The following EDA variants were observed in gnomAD, a reference collection of about 807,000 sequenced individuals.
EDA encodes ectodysplasin-A.
A neutral mutation model predicts 23.6 loss-of-function variants in EDA; 2 were observed. The ratio of observed to expected loss-of-function variants is 0.08; its 90% confidence interval spans 0.03 to 0.27. EDA has a LOEUF of 0.27. EDA is among the 10% of genes least tolerant of loss of function. EDA has a pLI of 1.00. For missense variants in EDA, 229 were observed against 324.2 expected, an observed-to-expected ratio of 0.71 and a Z score of 2.26; for synonymous variants, 131 against 132.0, an observed-to-expected ratio of 0.99 and a Z score of 0.05.
chrX:69,836,712 G>T (rs1344560265), intron 1 of EDA, among the ~76,000 whole-genome samples: 1 of 112,404 alleles, frequency 8.9e-6, no homozygotes, highest in Non-Finnish European at 1.9e-5. Flanking sequence ...GCCATGCCCT[G>T]CTTCAGCTCA....
chrX:69,988,016 CA>C (rs1400106254), intron 2 of EDA, among the ~76,000 whole-genome samples: 2 of 112,158 alleles, frequency 1.8e-5, no homozygotes, highest in South Asian at 7.5e-4. Context: ...AACCCCCCAC[CA>C]TCTCATGTCA....
chrX:69,663,194 G>A (rs1933567941), intron 1 of EDA, among the ~76,000 whole-genome samples: 1 of 112,008 alleles, frequency 8.9e-6, no homozygotes, highest in South Asian at 3.7e-4. Context: ...TAGGGGAAAT[G>A]TCTCCAGGGT....
intron 7 of EDA, 54 bp from the exon 8 acceptor site, chrX:70,035,304 C>T (rs1212250140): frequency 8.5e-7 from 1 of 1,176,555 alleles, no homozygotes; most frequent in African/African-American, 1.8e-5. Context: ...AGGGAGGGCC[C>T]CCCACCCTCT....
intron 1 of EDA, among the ~76,000 whole-genome samples, chrX:69,741,015 A>G (rs1280154927): frequency 1.8e-5 from 2 of 109,619 alleles, no homozygotes; most frequent in African/African-American, 6.6e-5. Context: ...ATATATATAG[A>G]AAATATATAT....
At chrX:69,751,378 G>A (rs746348029) in intron 1 of EDA, among the ~76,000 whole-genome samples, 33 of 112,050 alleles carry the variant, frequency 2.9e-4, no homozygotes, top group African/African-American at 1.0e-3. Flanking sequence ...TGTTCCATTG[G>A]TCTATATCTC....
intron 1 of EDA, among the ~76,000 whole-genome samples, chrX:69,709,925 A>C (rs1046427957): frequency 9.0e-6 from 1 of 110,832 alleles, no homozygotes; most frequent in Non-Finnish European, 1.9e-5. Context: ...GATTGCAAAA[A>C]TTTTCTCCCA....
intron 1 of EDA, among the ~76,000 whole-genome samples, chrX:69,926,321 G>A (rs1169796270): frequency 9.0e-6 from 1 of 111,392 alleles, no homozygotes; most frequent in Non-Finnish European, 1.9e-5. Context: ...TCTTAACACT[G>A]CTTTAGCTGT....
At chrX:69,880,766 G>A (rs1027017119) in intron 1 of EDA, among the ~76,000 whole-genome samples, 3 of 111,841 alleles carry the variant, frequency 2.7e-5, no homozygotes, top group South Asian at 3.7e-4. Flanking sequence ...ATATCACTTC[G>A]TTGGCTTCAA....
chrX:69,882,181 T>C (rs1367537332), intron 1 of EDA, among the ~76,000 whole-genome samples: 3 of 111,928 alleles, frequency 2.7e-5, no homozygotes, highest in African/African-American at 9.8e-5. Context: ...TTAGGAGTTC[T>C]CTTAAGCCAT....
intron 1 of EDA, among the ~76,000 whole-genome samples, chrX:69,932,781 TTC>T (rs2018617483): frequency 9.0e-6 from 1 of 111,728 alleles, no homozygotes; most frequent in Non-Finnish European, 1.9e-5. Context: ...TATTAACTGT[TTC>T]TGTTTAGTTC....
At chrX:69,965,620 A>G (rs1412109040) in intron 2 of EDA, among the ~76,000 whole-genome samples, 1 of 112,513 alleles carries the variant, frequency 8.9e-6, no homozygotes, top group Non-Finnish European at 1.9e-5. Context: ...CTCATTAAAT[A>G]TGATAAATCT....
chrX:69,817,496 A>G (rs966587159), intron 1 of EDA, among the ~76,000 whole-genome samples: 3 of 112,256 alleles, frequency 2.7e-5, no homozygotes, highest in Admixed American at 1.9e-4. Flanking sequence ...AAAGACACAC[A>G]TAGGCTCAAA....
intron 1 of EDA, among the ~76,000 whole-genome samples, chrX:69,823,772 C>T (rs1190462135): frequency 1.2e-5 from 1 of 81,140 alleles, no homozygotes; most frequent in African/African-American, 5.0e-5. Context: ...AGTCCTTGCC[C>T]ATGCCTGTGT....
chrX:69,951,187 T>TA (rs2018921065), intron 1 of EDA, among the ~76,000 whole-genome samples: 1 of 108,206 alleles, frequency 9.2e-6, no homozygotes, highest in Admixed American at 9.8e-5. Flanking sequence ...TAAAAAAAAA[T>TA]AAAAAATAAA....
At chrX:70,031,419 T>G (rs917386568) in intron 6 of EDA, among the ~76,000 whole-genome samples, 16 of 111,887 alleles carry the variant, frequency 1.4e-4, no homozygotes, top group Non-Finnish European at 7.5e-5. Flanking sequence ...AACAGCACTT[T>G]GGAATAATGT....
At chrX:69,627,666 C>T (rs914092952) in intron 1 of EDA, among the ~76,000 whole-genome samples, 13 of 112,326 alleles carry the variant, frequency 1.2e-4, no homozygotes, top group African/African-American at 4.2e-4. Flanking sequence ...TTCCCCATGC[C>T]TAACTTCAGC....
chrX:69,681,328 T>C (rs1934340294), intron 1 of EDA, among the ~76,000 whole-genome samples: 1 of 108,787 alleles, frequency 9.2e-6, no homozygotes, highest in Non-Finnish European at 1.9e-5. Flanking sequence ...AGGAGTATCT[T>C]TGTGGCGTTC....
intron 1 of EDA, among the ~76,000 whole-genome samples, chrX:69,750,716 T>C (rs2013813285): frequency 8.9e-6 from 1 of 111,769 alleles, no homozygotes; most frequent in South Asian, 3.8e-4. Context: ...ATCGCCATTC[T>C]AACTAGTGTG....
chrX:69,643,325 T>A (rs1932862711), intron 1 of EDA, among the ~76,000 whole-genome samples: 1 of 110,963 alleles, frequency 9.0e-6, no homozygotes. Flanking sequence ...TGTGCAGATT[T>A]GTTACATGGG....
Sources: allele counts gnomAD v4.1 joint callset (sites outside exome capture counted in the v4.1 genomes callset), GRCh38; gene constraint gnomAD v4.1.1; transcripts MANE v1.5; gene names NCBI Gene and HGNC (gene_info 2026-07-23, HGNC 2026-07-21).